The following SCFD2 variants were observed in gnomAD, a reference collection of about 807,000 sequenced individuals.
SCFD2 encodes sec1 family domain containing 2.
SCFD2 carries 54 observed loss-of-function variants against 58.9 expected under a neutral mutation model. The observed-to-expected ratio is 0.92, with a 90% confidence interval of 0.74 to 1.15. The LOEUF (loss-of-function observed/expected upper bound fraction) is 1.15. Among genes scored for constraint, SCFD2 ranks in the 50% most tolerant of loss-of-function variants. SCFD2 has a pLI of 0.00. For missense variants in SCFD2, 805 were observed against 836.6 expected (o/e 0.96, Z 0.47); for synonymous variants, 321 against 335.9 (o/e 0.96, Z 0.49).
At chr4:53,296,247 G>C (rs2149091822) in intron 3 of SCFD2, among the ~76,000 whole-genome samples, 1 of 152,218 alleles carries the variant, frequency 6.6e-6, no homozygotes, top group East Asian at 1.9e-4. Context: ...GTAGAATTTG[G>C]CTATGAATCT....
chr4:52,901,945 C>A (rs911456235), intron 7 of SCFD2, among the ~76,000 whole-genome samples: 1 of 152,260 alleles, frequency 6.6e-6, no homozygotes, highest in East Asian at 1.9e-4. Context: ...TCGCTGCCTG[C>A]AAAAATGTAC....
chr4:53,282,724 A>T (rs1484682806), intron 3 of SCFD2, among the ~76,000 whole-genome samples: 4 of 151,944 alleles, frequency 2.6e-5, no homozygotes, highest in African/African-American at 7.3e-5. Context: ...ACCAGGAAAT[A>T]AAAAAAACAA....
intron 3 of SCFD2, among the ~76,000 whole-genome samples, chr4:53,275,311 T>C (rs1731296095): frequency 6.6e-6 from 1 of 152,182 alleles, no homozygotes. Flanking sequence ...AATGTTTAAG[T>C]TCTTCATTAC....
chr4:53,263,305 T>TAA (rs1730882104), intron 4 of SCFD2, among the ~76,000 whole-genome samples: 1 of 152,206 alleles, frequency 6.6e-6, no homozygotes, highest in Admixed American at 6.5e-5. Flanking sequence ...TGTGATCTTT[T>TAA]GGGGCTGTTA....
intron 5 of SCFD2, among the ~76,000 whole-genome samples, chr4:52,932,013 A>G (rs928089933): frequency 1.3e-5 from 2 of 152,218 alleles, no homozygotes; most frequent in Admixed American, 6.5e-5. Flanking sequence ...CTGGAGGTGC[A>G]GGCCAAGAAG....
chr4:53,238,186 C>T (rs1367226646), intron 4 of SCFD2, among the ~76,000 whole-genome samples: 1 of 142,434 alleles, frequency 7.0e-6, no homozygotes, highest in African/African-American at 2.6e-5. Flanking sequence ...GGGGCTGACC[C>T]CCCCACCTCC....
chr4:52,990,797 A>C (rs1479249067), intron 5 of SCFD2, among the ~76,000 whole-genome samples: 10 of 152,244 alleles, frequency 6.6e-5, no homozygotes. Flanking sequence ...AAACATTTAA[A>C]GGATTGGTCT....
At chr4:53,203,834 A>G (rs1015219858) in intron 4 of SCFD2, among the ~76,000 whole-genome samples, 8 of 152,150 alleles carry the variant, frequency 5.3e-5, no homozygotes, top group African/African-American at 1.7e-4. Context: ...GGATCCCTAA[A>G]TGTCCCCACC....
chr4:53,027,829 A>C (rs1221972593), intron 5 of SCFD2, among the ~76,000 whole-genome samples: 1 of 152,184 alleles, frequency 6.6e-6, no homozygotes, highest in African/African-American at 2.4e-5. Flanking sequence ...CCCCATCTCT[A>C]AATAAATACA....
At chr4:53,189,528 G>A (rs1296326795) in intron 4 of SCFD2, among the ~76,000 whole-genome samples, 1 of 152,106 alleles carries the variant, frequency 6.6e-6, no homozygotes, top group African/African-American at 2.4e-5. Flanking sequence ...CTGTATCCTT[G>A]CATGGCGGGG....
intron 5 of SCFD2, among the ~76,000 whole-genome samples, chr4:52,965,719 T>C (rs924010156): frequency 6.6e-6 from 1 of 152,198 alleles, no homozygotes; most frequent in Non-Finnish European, 1.5e-5. Flanking sequence ...CTCAGTACCA[T>C]ACATGTGACC....
intron 4 of SCFD2, among the ~76,000 whole-genome samples, chr4:53,182,517 G>T (rs981816798): frequency 6.6e-6 from 1 of 152,174 alleles, no homozygotes; most frequent in African/African-American, 2.4e-5. Context: ...ATGGATTAAA[G>T]ACTTAAATGT....
At chr4:53,179,564 C>G (rs986385822) in intron 4 of SCFD2, among the ~76,000 whole-genome samples, 11 of 152,138 alleles carry the variant, frequency 7.2e-5, no homozygotes, top group African/African-American at 2.4e-4. Context: ...TTATAAAGAC[C>G]ATTGATGCCA....
intron 2 of SCFD2, among the ~76,000 whole-genome samples, chr4:53,327,277 A>G (rs1733233452): frequency 6.6e-6 from 1 of 152,134 alleles, no homozygotes; most frequent in Non-Finnish European, 1.5e-5. Context: ...GATTGCAACC[A>G]GATTGAGGGG....
intron 4 of SCFD2, among the ~76,000 whole-genome samples, chr4:53,204,770 G>T (rs1359612238): frequency 6.7e-6 from 1 of 149,126 alleles, no homozygotes; most frequent in African/African-American, 2.5e-5. Context: ...GAGAATACTG[G>T]TAAGAAGATT....
chr4:53,068,341 T>A (rs957643662), intron 5 of SCFD2, among the ~76,000 whole-genome samples: 10 of 152,074 alleles, frequency 6.6e-5, no homozygotes, highest in Non-Finnish European at 1.0e-4. Flanking sequence ...TTCAAATCAA[T>A]TGGCAATTTT....
At chr4:52,984,301 A>G (rs752764458) in intron 5 of SCFD2, among the ~76,000 whole-genome samples, 15 of 152,216 alleles carry the variant, frequency 9.9e-5, no homozygotes, top group Non-Finnish European at 2.2e-4. Context: ...CTGACATAAC[A>G]AAGTGAAGAA....
chr4:53,281,996 T>G (rs544928566), intron 3 of SCFD2, among the ~76,000 whole-genome samples: 2 of 152,360 alleles, frequency 1.3e-5, no homozygotes, highest in African/African-American at 4.8e-5. Flanking sequence ...TTTCTGTAGT[T>G]TGATTCTAAA....
At chr4:53,181,241 G>A (rs1315412670) in intron 4 of SCFD2, among the ~76,000 whole-genome samples, 4 of 152,084 alleles carry the variant, frequency 2.6e-5, no homozygotes, top group Non-Finnish European at 5.9e-5. Context: ...GATGAACATC[G>A]ATGCAAAAAT....
Sources: allele counts gnomAD v4.1 joint callset (sites outside exome capture counted in the v4.1 genomes callset), GRCh38; gene constraint gnomAD v4.1.1; transcripts MANE v1.5; gene names NCBI Gene and HGNC (gene_info 2026-07-23, HGNC 2026-07-21).